The following TBC1D1 variants were observed in gnomAD, a reference collection of about 807,000 sequenced individuals.
TBC1D1 encodes the protein TBC1 domain family member 1.
TBC1D1 carries 89 observed loss-of-function variants against 125.6 expected under a neutral mutation model. The observed-to-expected ratio is 0.71, with a 90% CI of 0.60 to 0.85. TBC1D1 has a LOEUF of 0.85. TBC1D1 is among the 40% of genes least tolerant of loss of function. The probability of loss-of-function intolerance (pLI) is 0.00; values close to 1 mark genes in which losing one functional copy is unlikely to be tolerated. For missense variants in TBC1D1, 1,377 were observed against 1,469.2 expected (o/e 0.94, Z 1.03); for synonymous variants, 565 against 564.1 (o/e 1.00, Z -0.02).
At chr4:38,133,464 TC>T (rs1330105670) in intron 19 of TBC1D1, among the ~76,000 whole-genome samples, 3 of 152,156 alleles carry the variant, frequency 2.0e-5, no homozygotes, top group Non-Finnish European at 4.4e-5. Context: ...GGTCAGGCAG[TC>T]CCAGAGCTTT....
chr4:37,911,115 A>G (rs1718508464), intron 2 of TBC1D1, among the ~76,000 whole-genome samples: 2 of 139,574 alleles, frequency 1.4e-5, no homozygotes, highest in African/African-American at 2.6e-5. Context: ...GAGTGACCGT[A>G]GGTTCTCCCC....
At chr4:38,062,293 T>C (rs1752912508) in intron 12 of TBC1D1, among the ~76,000 whole-genome samples, 1 of 152,108 alleles carries the variant, frequency 6.6e-6, no homozygotes, top group Non-Finnish European at 1.5e-5. Context: ...CCTGCGTGTT[T>C]TTGTTTTTGA....
At chr4:37,943,491 A>G (rs975238913) in intron 2 of TBC1D1, among the ~76,000 whole-genome samples, 6 of 152,146 alleles carry the variant, frequency 3.9e-5, no homozygotes, top group African/African-American at 1.4e-4. Context: ...CGTAGATTTC[A>G]TCTTTTCACA....
chr4:38,005,197 C>T (rs902320494), intron 2 of TBC1D1, among the ~76,000 whole-genome samples: 3 of 152,090 alleles, frequency 2.0e-5, no homozygotes, highest in African/African-American at 4.8e-5. Flanking sequence ...GAGGGTGCTC[C>T]GGAGATATAA....
chr4:37,963,344 G>C lies in TBC1D1; in HGVS notation c.418-51165G>C, dbSNP rs531064424. 2.0e-3 allele frequency among the ~76,000 whole-genome samples: 304 copies of C among 152,034 alleles called. 1 individual carries two copies. The highest frequency in any genetic ancestry group is 7.1e-3 in the African/African-American group (296 of 41,446). ...CTTCCAGTCATGGCGGAAGGCCAAGGAGGGAGCAGGCCTCTCACATGGCAG... is the reference window on the plus strand; with the variant it reads ...CTTCCAGTCATGGCGGAAGGCCAAGCAGGGAGCAGGCCTCTCACATGGCAG... On this transcript the variant is annotated intron_variant, in intron 2 of 19. Coordinates refer to ENST00000261439, the MANE Select transcript of TBC1D1 (RefSeq NM_015173.4).
rs567696195 is a variant in TBC1D1 at position 37,972,704 on chromosome 4, G to A, written c.418-41805G>A. ...GCGGGTCACCTGAGGTCAGGAGTTC[G>A]AGACCAGCCTCAACATGGAGAAACC... On this transcript the variant is annotated intron_variant, in intron 2 of 19. Coordinates refer to ENST00000261439, the MANE Select transcript of TBC1D1 (RefSeq NM_015173.4). 4.4e-4 allele frequency among the ~76,000 whole-genome samples: 67 copies of A among 151,792 alleles called. No individual in the cohort carries two copies. In the South Asian group the frequency reaches 0.012, roughly 28 times the overall value.
intron 2 of TBC1D1, among the ~76,000 whole-genome samples, chr4:37,962,628 T>C (rs1455518392): frequency 6.6e-6 from 1 of 152,270 alleles, no homozygotes; most frequent in African/African-American, 2.4e-5. Context: ...GGATGAATAA[T>C]TAACCTCTCA....
chr4:37,902,169 T>C lies in TBC1D1; in HGVS notation c.74T>C (p.Leu25Pro), dbSNP rs1331641933. 6.2e-7 allele frequency: 1 copy of C among 1,611,918 alleles called. No homozygotes were observed. Among genetic ancestry groups the C allele is most frequent in the Admixed American group, 1.7e-5 (1 of 59,776 alleles). ...GTCTCGGTGGATTTTGGCCTGCAGC[T>C]GGTGGGCTCCCTGCCTGTGCATTCC... The change falls in exon 2 of 20, where the codon CTG (leucine) becomes CCG (proline). Residue 25 changes from leucine to proline, a missense_variant. Physicochemically the swap from Leu to Pro is moderately conservative, Grantham distance 98 (BLOSUM62 -3). Transcript: ENST00000261439.
intron 2 of TBC1D1, among the ~76,000 whole-genome samples, chr4:37,990,963 G>A (rs1736418529): frequency 6.7e-6 from 1 of 149,246 alleles, no homozygotes; most frequent in African/African-American, 2.5e-5. Context: ...TTCAAGCTCA[G>A]TGTTGATCAC....
intron 2 of TBC1D1, among the ~76,000 whole-genome samples, chr4:37,962,197 G>A (rs934119502): frequency 3.3e-5 from 5 of 152,176 alleles, no homozygotes; most frequent in Non-Finnish European, 1.5e-5. Flanking sequence ...AGCCACGCAG[G>A]TCAAGGATAA....
At chr4:38,081,961 C>A (rs16994207) in intron 12 of TBC1D1, among the ~76,000 whole-genome samples, 5 of 152,140 alleles carry the variant, frequency 3.3e-5, no homozygotes, top group Admixed American at 3.3e-4. Context: ...CATGTCTTGC[C>A]GTGGAGGGAT....
rs200986937 is a variant in TBC1D1 at position 38,115,968 on chromosome 4, C to T, written c.2802+14C>T. The T allele has an allele frequency of 1.6e-5, 25 of 1,610,958 alleles. No homozygotes were observed. Among genetic ancestry groups the T allele is most frequent in the Non-Finnish European group, 2.0e-5 (24 of 1,177,832 alleles). Reference sequence around the variant, plus strand: ...ATTATTTTACAGGTATAGAGTGTTCCTTATGTCTTTAATACAACAAAATGC... The same window carrying T: ...ATTATTTTACAGGTATAGAGTGTTCTTTATGTCTTTAATACAACAAAATGC... On this transcript the variant is annotated intron_variant, in intron 16 of 19. Coordinates refer to ENST00000261439, the MANE Select transcript of TBC1D1 (RefSeq NM_015173.4).
rs980324097 is a variant in TBC1D1, at chr4:38,110,732, G to A, written c.2558-4978G>A. On this transcript the variant is annotated intron_variant, in intron 15 of 19. Transcript: ENST00000261439. ...TAAAGGACCTGCACTTCTCTGCTTT[G>A]TGGTAAGTTGTAAAATGCAGTTTAA... 25 of 985,426 alleles carry A rather than the reference G, an allele frequency of 2.5e-5. No individual in the cohort carries two copies. The South Asian group carries it at 4.2e-4, about 17-fold the overall frequency. The allele number at this position is 985,426 out of a possible 1,614,324, so 61.0% of individuals were successfully genotyped here. A position where few individuals can be genotyped will look rare whatever the true frequency, so the allele number is the denominator to read the frequency against.
chr4:37,983,409 G>A (rs1021594887), intron 2 of TBC1D1, among the ~76,000 whole-genome samples: 1 of 152,102 alleles, frequency 6.6e-6, no homozygotes, highest in Non-Finnish European at 1.5e-5. Flanking sequence ...CACTGTGTCC[G>A]CCATCCCTCC....
chr4:37,929,298 TA>T (rs1193585887), intron 2 of TBC1D1, among the ~76,000 whole-genome samples: 1 of 152,190 alleles, frequency 6.6e-6, no homozygotes, highest in Non-Finnish European at 1.5e-5. Context: ...TACTATGGAT[TA>T]AAAACTGAGT....
At chr4:38,090,193 T>C in intron 13 of TBC1D1, 76 bp downstream of exon 15, 1 of 1,442,476 alleles carries the variant, frequency 6.9e-7, no homozygotes, top group East Asian at 2.3e-5. Flanking sequence ...GACATAAGCA[T>C]GCTGTCTTAA....
intron 7 of TBC1D1, 124 bp downstream of exon 7, chr4:38,028,003 C>T: frequency 1.6e-6 from 1 of 633,906 alleles, no homozygotes. Context: ...TTGAGTTCGT[C>T]TTGGTTTCAG....
At chr4:38,007,071 G>A in intron 2 of TBC1D1, 2 of 354,976 alleles carry the variant, frequency 5.6e-6, no homozygotes, top group Non-Finnish European at 5.7e-6. Context: ...ACTGAGACGA[G>A]ACATGCGCAG....
intron 2 of TBC1D1, among the ~76,000 whole-genome samples, chr4:37,978,301 T>A (rs1733654526): frequency 6.6e-6 from 1 of 152,190 alleles, no homozygotes; most frequent in Non-Finnish European, 1.5e-5. Context: ...GATGCGACCC[T>A]CGCCACCTTG....
Sources: gnomAD v4.1 joint callset for allele counts (sites outside exome capture counted in the v4.1 genomes callset) on GRCh38, gnomAD v4.1.1 for gene constraint, MANE v1.5 for transcripts, NCBI Gene and HGNC (gene_info 2026-07-23, HGNC 2026-07-21) for gene names.